PCNX2: variants seen among roughly 807,000 people sequenced by gnomAD.
PCNX2 encodes pecanex 2.
A neutral mutation model predicts 223.8 loss-of-function variants in PCNX2; 168 were observed. The ratio of observed to expected loss-of-function variants is 0.75; its 90% CI spans 0.66 to 0.85. The LOEUF is 0.85. PCNX2 is among the 40% of genes least tolerant of loss of function. The probability of loss-of-function intolerance (pLI) is 0.00; values close to 1 mark genes in which losing one functional copy is unlikely to be tolerated. For missense variants in PCNX2, 2,507 were observed against 2,675.5 expected (o/e 0.94, Z 1.39); for synonymous variants, 1,006 against 1,052.6 (o/e 0.96, Z 0.86).
chr1:233,252,380 G>A lies in PCNX2; in HGVS notation c.2102C>T (p.Ala701Val). ...ATGTTCATCAATGAAGACATGCATA[G>A]CATCCACAGATATCTCTTCTTGTAC... is the stretch of plus-strand genomic sequence containing the variant. ...TSVQEEISVD[A>V]MHVFIDEHGE... Residue 701 changes from alanine (A) to valine (V), a missense_variant, in exon 7 of 34, where the codon GCT (alanine) becomes GTT (valine). By Grantham distance (64) the Ala-to-Val change is moderately conservative. Transcript: ENST00000258229. 1.9e-6 allele frequency: 3 copies of A among 1,611,590 alleles called. No homozygotes were observed. The highest frequency in any genetic ancestry group is 2.5e-6 in the Non-Finnish European group (3 of 1,178,242).
chr1:233,149,183 GA>G (rs1200440130), intron 19 of PCNX2, among the ~76,000 whole-genome samples: 1 of 152,192 alleles, frequency 6.6e-6, no homozygotes, highest in East Asian at 1.9e-4. Flanking sequence ...TTAGGTCCTT[GA>G]GAAAAAGAAT....
At chr1:233,187,716 C>CTT (rs1457160731) in intron 15 of PCNX2, among the ~76,000 whole-genome samples, 1 of 152,110 alleles carries the variant, frequency 6.6e-6, no homozygotes, top group Non-Finnish European at 1.5e-5. Flanking sequence ...GTCAATTCTA[C>CTT]TTTTTTGCTG....
intron 15 of PCNX2, among the ~76,000 whole-genome samples, chr1:233,192,088 T>C (rs1400972323): frequency 1.3e-5 from 2 of 152,224 alleles, no homozygotes; most frequent in African/African-American, 2.4e-5. Flanking sequence ...GTTTCAGACA[T>C]GAGGTACCTC....
At chr1:233,226,749 T>C (rs2102944977) in intron 10 of PCNX2, among the ~76,000 whole-genome samples, 1 of 152,104 alleles carries the variant, frequency 6.6e-6, no homozygotes, top group East Asian at 1.9e-4. Flanking sequence ...AAGTGAGCAA[T>C]AAGAATCCAA....
chr1:233,221,674 A>T (rs2102936180), intron 10 of PCNX2, among the ~76,000 whole-genome samples: 1 of 152,314 alleles, frequency 6.6e-6, no homozygotes, highest in Non-Finnish European at 1.5e-5. Flanking sequence ...AACTCCCAGG[A>T]GAGGTAATGA....
chr1:233,208,587 T>C lies in PCNX2; in HGVS notation c.2794A>G (p.Ser932Gly). Residue 932 changes from serine to glycine, a missense_variant, in exon 13 of 34, where the codon AGT (serine) becomes GGT (glycine). By Grantham distance (56) the Ser-to-Gly change is moderately conservative. This residue lies in a region of PCNX2 where 104 missense variants were observed against 144.4 expected (regional missense o/e 0.72). Coordinates refer to ENST00000258229, the MANE Select transcript of PCNX2 (RefSeq NM_014801.4). ...DTGAKARHPP[S>G]YVVYGLKLFS... is the part of the protein sequence containing the mutation. ...AGCTTCAGGCCATACACAACGTAAC[T>C]GGGAGGGTGCCTGGCTTTGGCCCCT... 6.2e-7 allele frequency: 1 copy of C among 1,613,674 alleles called. No homozygotes were observed. The highest frequency in any genetic ancestry group is 8.5e-7 in the Non-Finnish European group (1 of 1,179,844).
intron 15 of PCNX2, among the ~76,000 whole-genome samples, chr1:233,198,616 C>T (rs1680873237): frequency 6.6e-6 from 1 of 152,138 alleles, no homozygotes; most frequent in South Asian, 2.1e-4. Context: ...AGTGGTATTT[C>T]AGGAAGTGAA....
chr1:233,279,078 A>G (rs747345052), intron 1 of PCNX2, among the ~76,000 whole-genome samples: 18 of 152,238 alleles, frequency 1.2e-4, no homozygotes, highest in African/African-American at 1.7e-4. Flanking sequence ...TTTTAAAAGA[A>G]AATGGAATTC....
chr1:232,995,691 A>T (rs1408053710), intron 32 of PCNX2, among the ~76,000 whole-genome samples: 2 of 122 alleles, frequency 0.016, no homozygotes, highest in East Asian at 0.17. Context: ...ATCCAATTTA[A>T]AAAAAAAGAT....
intron 17 of PCNX2, among the ~76,000 whole-genome samples, chr1:233,166,177 A>G (rs538850709): frequency 1.3e-5 from 2 of 150,504 alleles, no homozygotes; most frequent in South Asian, 4.2e-4. Context: ...ATAGCCAACT[A>G]TAAAAATAAA....
intron 32 of PCNX2, among the ~76,000 whole-genome samples, chr1:232,996,269 C>G (rs1238513126): frequency 6.6e-6 from 1 of 152,210 alleles, no homozygotes; most frequent in African/African-American, 2.4e-5. Context: ...CCACACCCCC[C>G]TGACTCTGGA....
intron 23 of PCNX2, among the ~76,000 whole-genome samples, chr1:233,064,041 A>AAT (rs1672500742): frequency 1.3e-5 from 2 of 151,800 alleles, no homozygotes; most frequent in Non-Finnish European, 2.9e-5. Flanking sequence ...TTTTATTCTA[A>AAT]ATATATATAT....
Position 233,183,978 on chromosome 1 carries a change from G to A in PCNX2, c.3067-4803C>T, listed in dbSNP as rs74145095. ...TCACCCTGCTCTGTCCATCCACCTA[G>A]GGCTTCTCTTATTTCATTTCATACT... On this transcript the variant is annotated intron_variant, in intron 15 of 33. Transcript: ENST00000258229. Among the ~76,000 whole-genome samples the A allele has an allele frequency of 4.0e-3, 612 of 152,266 alleles. 2 individuals carry two copies. Among genetic ancestry groups the A allele is most frequent in the African/African-American group, 0.014 (571 of 41,554 alleles).
chr1:233,208,011 A>T (rs903523166), intron 13 of PCNX2, among the ~76,000 whole-genome samples: 26 of 152,074 alleles, frequency 1.7e-4, no homozygotes, highest in African/African-American at 6.0e-4. Context: ...GCTGGAGAGC[A>T]ATGGCGTGAT....
intron 25 of PCNX2, among the ~76,000 whole-genome samples, chr1:233,036,076 G>C (rs1306852208): frequency 6.6e-6 from 1 of 152,170 alleles, no homozygotes; most frequent in Non-Finnish European, 1.5e-5. Flanking sequence ...TTGAATGATT[G>C]TCATTTTCAA....
At chr1:233,179,023 C>T in intron 16 of PCNX2, 43 bp downstream of exon 16, 1 of 1,558,088 alleles carries the variant, frequency 6.4e-7, no homozygotes, top group Non-Finnish European at 8.8e-7. Flanking sequence ...AGGAACTATG[C>T]CCCCAGCTCA....
chr1:233,226,283 G>C (rs774904465), intron 10 of PCNX2, among the ~76,000 whole-genome samples: 1 of 152,022 alleles, frequency 6.6e-6, no homozygotes, highest in African/African-American at 2.4e-5. Flanking sequence ...TTCTGGGTGG[G>C]GGGGAGATTA....
rs879299344 is a variant in PCNX2 at position 233,261,304 on chromosome 1, T to C, written c.498A>G (p.Glu166=). ...GTTTACCTTTGAGATCTTCTACAGT[T>C]TCCTGTGCTGACAACTCCTACACAA... ...SSGPLELSAQ[E]TVEDLKGVIL... Residue 166 remains glutamate (E), a synonymous_variant, in exon 4 of 34, where the codon GAA becomes GAG. Coordinates refer to ENST00000258229, the MANE Select transcript of PCNX2 (RefSeq NM_014801.4). The C allele has an allele frequency of 1.6e-5, 25 of 1,612,798 alleles. No individual in the cohort carries two copies. The highest frequency in any genetic ancestry group is 2.0e-5 in the Non-Finnish European group (24 of 1,178,978).
the PCNX2 span, among the ~76,000 whole-genome samples, chr1:233,322,066 C>A: frequency 6.6e-6 from 1 of 152,130 alleles, no homozygotes; most frequent in Non-Finnish European, 1.5e-5. Flanking sequence ...AGGGTTGATT[C>A]TTCTTTCAAG....
Sources: gnomAD v4.1 joint callset for allele counts (sites outside exome capture counted in the v4.1 genomes callset) on GRCh38, gnomAD v4.1.1 for gene constraint, gnomAD v4.1.1 regional missense constraint, MANE v1.5 for transcripts, NCBI Gene and HGNC (gene_info 2026-07-23, HGNC 2026-07-21) for gene names.